KAZN: variants seen among roughly 807,000 people sequenced by gnomAD.
KAZN encodes the protein kazrin.
Under a neutral mutation model 87.4 loss-of-function variants are expected in KAZN, and 40 were observed. The observed-to-expected ratio is 0.46, with a 90% confidence interval of 0.36 to 0.60. The LOEUF (loss-of-function observed/expected upper bound fraction) is 0.60, where lower values mean the gene tolerates loss of function less well. Among genes scored for constraint, KAZN ranks in the 20% least tolerant of loss-of-function variants. The pLI is 0.00. For synonymous variants in KAZN, 466 were observed against 458.3 expected (o/e 1.02, Z -0.22); for missense variants, 898 against 1,073.9 (o/e 0.84, Z 2.29).
At chr1:15,100,654 T>A (rs1229771058) in intron 10 of KAZN, among the ~76,000 whole-genome samples, 1 of 152,214 alleles carries the variant, frequency 6.6e-6, no homozygotes, top group Non-Finnish European at 1.5e-5. Context: ...AGGGGTCATT[T>A]CTATGTGGGG....
chr1:13,983,889 TG>T (rs985029650), intron 1 of KAZN, among the ~76,000 whole-genome samples: 9 of 151,952 alleles, frequency 5.9e-5, no homozygotes, highest in Admixed American at 5.9e-4. Flanking sequence ...GGGTTGAAGG[TG>T]GGGGAGGTGG....
At chr1:14,453,928 A>G (rs1557732038) in intron 2 of KAZN, among the ~76,000 whole-genome samples, 1 of 152,218 alleles carries the variant, frequency 6.6e-6, no homozygotes, top group South Asian at 2.1e-4. Flanking sequence ...CCACTATGGC[A>G]TCTTCTATTA....
At chr1:14,631,540 C>T (rs1238151202) in intron 1 of KAZN, among the ~76,000 whole-genome samples, 1 of 152,178 alleles carries the variant, frequency 6.6e-6, no homozygotes, top group Non-Finnish European at 1.5e-5. Flanking sequence ...AGCCCCGATC[C>T]TGCTACCTCT....
intron 2 of KAZN, among the ~76,000 whole-genome samples, chr1:14,999,615 A>C (rs1417099876): frequency 1.3e-5 from 2 of 152,082 alleles, no homozygotes; most frequent in African/African-American, 2.4e-5. Flanking sequence ...GCAGATCAGA[A>C]TCTCCGGGCA....
chr1:14,632,624 C>G (rs988064553), intron 1 of KAZN, among the ~76,000 whole-genome samples: 2 of 150,666 alleles, frequency 1.3e-5, no homozygotes, highest in African/African-American at 4.9e-5. Flanking sequence ...TTCCTGCCCA[C>G]CCAAAGGCTA....
chr1:14,860,165 T>TTC lies in KAZN; in HGVS notation c.227-100507_227-100506dup, dbSNP rs1228163919. On this transcript the variant is annotated intron_variant, in intron 1 of 14. Coordinates refer to ENST00000376030, the MANE Select transcript of KAZN (RefSeq NM_201628.3). ...TTCCTTCCTTCCCTCCCTCCCTCCTTTCTCTCTCTCTCTAGATCTCTCTCT... is the reference window on the plus strand; with the variant it reads ...TTCCTTCCTTCCCTCCCTCCCTCCTTTCTCTCTCTCTCTCTAGATCTCTCTCT... Among the ~76,000 whole-genome samples, 8 of 151,062 alleles carry TTC rather than the reference T, an allele frequency of 5.3e-5. No individual in the cohort carries two copies. In the East Asian group the frequency reaches 5.9e-4, roughly 11 times the overall value.
At chr1:13,910,517 A>C (rs1389302747) in intron 1 of KAZN, among the ~76,000 whole-genome samples, 2 of 150,330 alleles carry the variant, frequency 1.3e-5, no homozygotes, top group Non-Finnish European at 3.0e-5. Flanking sequence ...AAAAAAAAAA[A>C]GTGTGTGTGA....
At chr1:14,360,086 T>G (rs144249925) in intron 2 of KAZN, among the ~76,000 whole-genome samples, 1 of 152,218 alleles carries the variant, frequency 6.6e-6, no homozygotes, top group Non-Finnish European at 1.5e-5. Context: ...CAATCAAACA[T>G]AGGTTTGGTC....
chr1:14,417,155 G>A (rs995482978), intron 2 of KAZN, among the ~76,000 whole-genome samples: 8 of 150,614 alleles, frequency 5.3e-5, no homozygotes, highest in Admixed American at 3.3e-4. Context: ...TTGCACCTGG[G>A]CAACAGAGCC....
chr1:14,739,854 C>T (rs1482549063), intron 1 of KAZN, among the ~76,000 whole-genome samples: 2 of 152,058 alleles, frequency 1.3e-5, no homozygotes, highest in Non-Finnish European at 2.9e-5. Flanking sequence ...CATCTGCACC[C>T]TTCAGGAGGG....
chr1:14,346,304 G>A (rs1391666901), intron 2 of KAZN, among the ~76,000 whole-genome samples: 1 of 152,172 alleles, frequency 6.6e-6, no homozygotes, highest in African/African-American at 2.4e-5. Context: ...ACACAAGGCG[G>A]TCACCAAATT....
Position 14,582,284 on chromosome 1 carries a change from A to C in KAZN, c.250-16699A>C, listed in dbSNP as rs78545131. Among the ~76,000 whole-genome samples the C allele has an allele frequency of 4.0e-3, 612 of 152,292 alleles. 26 individuals are homozygous for C. In the East Asian group the frequency reaches 0.074, roughly 18 times the overall value. On this transcript the variant is annotated intron_variant, in intron 2 of 16. Transcript: ENST00000636203. ...CCTGTGTTCTCACCACCTCCTCCAGAAAACGCTAAGGATTTGCCATCTTAA... is the reference window on the plus strand; with the variant it reads ...CCTGTGTTCTCACCACCTCCTCCAGCAAACGCTAAGGATTTGCCATCTTAA...
chr1:14,396,912 T>A (rs1662946987), intron 2 of KAZN, among the ~76,000 whole-genome samples: 1 of 148,988 alleles, frequency 6.7e-6, no homozygotes, highest in Admixed American at 6.7e-5. Flanking sequence ...TTTTTTTTTT[T>A]ACTTAGAACA....
intron 1 of KAZN, among the ~76,000 whole-genome samples, chr1:14,661,290 T>G (rs1404093484): frequency 6.6e-6 from 1 of 152,144 alleles, no homozygotes; most frequent in East Asian, 1.9e-4. Context: ...GAGCGGTCTG[T>G]AGCCCTTTCT....
At chr1:14,969,938 T>C (rs1572947734) in intron 2 of KAZN, among the ~76,000 whole-genome samples, 1 of 152,058 alleles carries the variant, frequency 6.6e-6, no homozygotes, top group Non-Finnish European at 1.5e-5. Context: ...CTCAGCCTCC[T>C]GAGTAGCTGG....
intron 1 of KAZN, among the ~76,000 whole-genome samples, chr1:14,097,565 A>G (rs1215614173): frequency 6.6e-6 from 1 of 152,200 alleles, no homozygotes; most frequent in Admixed American, 6.5e-5. Context: ...CGTAGTCAGT[A>G]ATGAAAGTAG....
intron 1 of KAZN, among the ~76,000 whole-genome samples, chr1:14,722,680 G>A (rs1055393909): frequency 6.6e-6 from 1 of 152,088 alleles, no homozygotes; most frequent in African/African-American, 2.4e-5. Context: ...AAACATGCAG[G>A]GAAGTCAGCA....
intron 2 of KAZN, among the ~76,000 whole-genome samples, chr1:14,343,166 A>G (rs886138017): frequency 1.3e-5 from 2 of 151,432 alleles, no homozygotes; most frequent in African/African-American, 4.8e-5. Context: ...AAACAAACAA[A>G]CAACAAAAAA....
intron 10 of KAZN, among the ~76,000 whole-genome samples, chr1:15,098,075 CAG>C (rs1299718574): frequency 6.6e-6 from 1 of 152,216 alleles, no homozygotes; most frequent in Non-Finnish European, 1.5e-5. Flanking sequence ...CCCCGTTTTA[CAG>C]AGGAGAAAAC....
Sources: allele counts gnomAD v4.1 joint callset (sites outside exome capture counted in the v4.1 genomes callset), GRCh38; gene constraint gnomAD v4.1.1; transcripts MANE v1.5; gene names NCBI Gene and HGNC (gene_info 2026-07-23, HGNC 2026-07-21).